ALG9: variants seen among roughly 807,000 people sequenced by gnomAD.
ALG9 encodes the protein ALG9 alpha-1,2-mannosyltransferase.
A neutral mutation model predicts 81.8 loss-of-function variants in ALG9; 55 were observed. The ratio of observed to expected loss-of-function variants is 0.67; its 90% confidence interval spans 0.54 to 0.84. The LOEUF (loss-of-function observed/expected upper bound fraction) is 0.84, where lower values mean the gene tolerates loss of function less well. ALG9 is among the 40% of genes least tolerant of loss of function. ALG9 has a pLI of 0.00. For missense variants in ALG9, 629 were observed against 745.0 expected, an observed-to-expected ratio of 0.84 and a Z score of 1.81; for synonymous variants, 278 against 274.3, an observed-to-expected ratio of 1.01 and a Z score of -0.13.
chr11:111,802,035 T>A (rs914469686), intron 14 of ALG9, among the ~76,000 whole-genome samples: 1 of 152,364 alleles, frequency 6.6e-6, no homozygotes. Context: ...CTATTACTAC[T>A]GCAGTTCTGG....
chr11:111,846,437 A>T (rs1163175753), intron 8 of ALG9, among the ~76,000 whole-genome samples: 1 of 152,270 alleles, frequency 6.6e-6, no homozygotes, highest in African/African-American at 2.4e-5. Context: ...TTTAGCTTCC[A>T]GAAAATATTT....
rs1443329380 is a variant in ALG9 at position 111,864,291 on chromosome 11, T to C, written c.476+890A>G. 1.8e-5 allele frequency: 20 copies of C among 1,121,594 alleles called. No individual in the cohort carries two copies. In the African/African-American group the frequency reaches 2.1e-4, roughly 12 times the overall value. 69.5% of individuals were successfully genotyped at this position (1,121,594 alleles called of 1,614,324 possible). A position where few individuals can be genotyped will look rare whatever the true frequency, so the allele number is the denominator to read the frequency against. ...TCCAGCGTTGCCGCTATGAAGAAAG[T>C]GGTTCAACAGCCCCGGCTGGAGGCC... is the stretch of plus-strand genomic sequence containing the variant. On this transcript the variant is annotated intron_variant, in intron 4 of 14. Coordinates refer to ENST00000616540, the MANE Select transcript of ALG9 (RefSeq NM_024740.2).
intron 13 of ALG9, among the ~76,000 whole-genome samples, chr11:111,821,933 T>C (rs563001006): frequency 3.9e-4 from 60 of 152,208 alleles, no homozygotes; most frequent in Non-Finnish European, 7.4e-4. Flanking sequence ...CACGCCCGGC[T>C]ACCCAGGCTT....
intron 13 of ALG9, 90 bp from the exon 14 acceptor site, chr11:111,809,863 A>G (rs1950457045): frequency 6.9e-7 from 1 of 1,449,712 alleles, no homozygotes; most frequent in African/African-American, 1.4e-5. Context: ...AAATTTACAG[A>G]GCTTTGGAGG....
rs370523789 is a variant in ALG9, at chr11:111,807,698, A to AGGTG, written c.1733+1941_1733+1944dup. ...CTCTCAAAAAAATTTGTTAAGGGCCAGGTGTGGTGGCTTACGCCTGTAATC... is the reference window on the plus strand; with the variant it reads ...CTCTCAAAAAAATTTGTTAAGGGCCAGGTGGGTGTGGTGGCTTACGCCTGTAATC... On this transcript the variant is annotated intron_variant, in intron 14 of 14. Transcript: ENST00000616540. Among the ~76,000 whole-genome samples, 1,241 of 152,304 alleles carry AGGTG rather than the reference A, an allele frequency of 8.1e-3. 6 individuals carry two copies. The highest frequency in any genetic ancestry group is 0.051 in the Middle Eastern group (15 of 294).
chr11:111,869,924 G>A (rs956501569), intron 2 of ALG9, among the ~76,000 whole-genome samples: 2 of 152,026 alleles, frequency 1.3e-5, no homozygotes, highest in Admixed American at 1.3e-4. Flanking sequence ...CATTTCTCCT[G>A]CCTCAGCCTC....
chr11:111,771,927 G>A, the ALG9 span, among the ~76,000 whole-genome samples: 1 of 152,034 alleles, frequency 6.6e-6, no homozygotes, highest in African/African-American at 2.4e-5. Flanking sequence ...TTTTATGGGT[G>A]GGAATACCCC....
the ALG9 span, among the ~76,000 whole-genome samples, chr11:111,768,055 GATA>G: frequency 6.6e-6 from 1 of 152,146 alleles, no homozygotes; most frequent in Non-Finnish European, 1.5e-5. Flanking sequence ...ATTGTTCTGG[GATA>G]ATGAGAAAAG....
At chr11:111,801,684 A>G (rs1317244496) in intron 14 of ALG9, among the ~76,000 whole-genome samples, 2 of 152,210 alleles carry the variant, frequency 1.3e-5, no homozygotes, top group Non-Finnish European at 2.9e-5. Flanking sequence ...TATACTTTAC[A>G]CATGAACTGT....
At chr11:111,801,847 C>A (rs1555080628) in intron 14 of ALG9, among the ~76,000 whole-genome samples, 1 of 152,232 alleles carries the variant, frequency 6.6e-6, no homozygotes, top group African/African-American at 2.4e-5. Flanking sequence ...CCCCTCAGAG[C>A]TGGGGAACTT....
the ALG9 span, among the ~76,000 whole-genome samples, chr11:111,768,090 A>G: frequency 6.6e-6 from 1 of 152,346 alleles, no homozygotes; most frequent in South Asian, 2.1e-4. Context: ...TTTTAAAATG[A>G]CAATGATACT....
chr11:111,866,060 C>A (rs1276286696), intron 3 of ALG9, among the ~76,000 whole-genome samples: 3 of 151,964 alleles, frequency 2.0e-5, no homozygotes, highest in Non-Finnish European at 4.4e-5. Context: ...TTTGGGAGGC[C>A]GAGGCAGGCG....
At chr11:111,828,546 G>A (rs868914804) in intron 13 of ALG9, among the ~76,000 whole-genome samples, 1 of 152,208 alleles carries the variant, frequency 6.6e-6, no homozygotes, top group Admixed American at 6.5e-5. Context: ...TGTGGAAAGA[G>A]TAGCAAAGAT....
the ALG9 span, among the ~76,000 whole-genome samples, chr11:111,776,338 C>T: frequency 6.6e-6 from 1 of 152,014 alleles, no homozygotes. Context: ...GCCTATAATC[C>T]CAGCACTTTG....
At chr11:111,774,064 C>CTT in the ALG9 span, among the ~76,000 whole-genome samples, 3 of 101,466 alleles carry the variant, frequency 3.0e-5, no homozygotes, top group Non-Finnish European at 5.6e-5. Context: ...CAAGCCATAT[C>CTT]TTATTAAAAA....
intron 5 of ALG9, among the ~76,000 whole-genome samples, chr11:111,858,763 C>G (rs2137122190): frequency 6.6e-6 from 1 of 152,304 alleles, no homozygotes; most frequent in South Asian, 2.1e-4. Context: ...TACAAAACAA[C>G]CACAATTAAT....
chr11:111,787,649 G>A (rs1441583831), intron 14 of ALG9, among the ~76,000 whole-genome samples: 1 of 151,498 alleles, frequency 6.6e-6, no homozygotes, highest in African/African-American at 2.4e-5. Flanking sequence ...TAGTAGAGAC[G>A]GGGTTTCACC....
chr11:111,837,257 T>C (rs1489545301), intron 12 of ALG9, among the ~76,000 whole-genome samples: 3 of 152,188 alleles, frequency 2.0e-5, no homozygotes, highest in Admixed American at 6.5e-5. Context: ...CAGTGCAGAA[T>C]GTCTACCTAG....
intron 13 of ALG9, among the ~76,000 whole-genome samples, chr11:111,834,642 C>T (rs1954926099): frequency 2.0e-5 from 3 of 152,132 alleles, no homozygotes; most frequent in South Asian, 2.1e-4. Context: ...CCAAAGTCCA[C>T]GCTCTTTTTT....
Sources: gnomAD v4.1 joint callset for allele counts (sites outside exome capture counted in the v4.1 genomes callset) on GRCh38, gnomAD v4.1.1 for gene constraint, MANE v1.5 for transcripts, NCBI Gene and HGNC (gene_info 2026-07-23, HGNC 2026-07-21) for gene names.